The following CTNNA2 variants were observed in gnomAD, a reference collection of about 807,000 sequenced individuals.
The protein encoded by CTNNA2 is catenin alpha 2.
Under a neutral mutation model 101.0 loss-of-function variants are expected in CTNNA2, and 42 were observed. That is an observed-to-expected ratio of 0.42 (90% CI 0.32 to 0.54). The LOEUF (loss-of-function observed/expected upper bound fraction) is 0.54, where lower values mean the gene tolerates loss of function less well. CTNNA2 is among the 20% of genes least tolerant of loss of function. The pLI is 0.14. For synonymous variants in CTNNA2, 450 were observed against 456.4 expected, an observed-to-expected ratio of 0.99 and a Z score of 0.18; for missense variants, 871 against 1,223.1, an observed-to-expected ratio of 0.71 and a Z score of 4.29.
At chr2:79,689,477 A>G (rs1684148023) in intron 2 of CTNNA2, among the ~76,000 whole-genome samples, 1 of 152,174 alleles carries the variant, frequency 6.6e-6, no homozygotes, top group African/African-American at 2.4e-5. Context: ...TCCTTCTACA[A>G]TATTCTTCTC....
At chr2:79,486,466 G>A (rs1176336482) in intron 4 of CTNNA2, among the ~76,000 whole-genome samples, 1 of 152,100 alleles carries the variant, frequency 6.6e-6, no homozygotes, top group Non-Finnish European at 1.5e-5. Context: ...TCTTAATCCA[G>A]TCTATCATTG....
At position 79,521,107 on chromosome 2, in the gene CTNNA2, G is replaced by GAT. The variant is rs59797728; in HGVS notation, c.-6+7960_-6+7961dup. Among the ~76,000 whole-genome samples, 31 of 105,348 alleles carry GAT rather than the reference G, an allele frequency of 2.9e-4. 1 individual carries two copies. The highest frequency in any genetic ancestry group is 4.6e-4 in the Admixed American group (4 of 8,614). 69.1% of individuals were successfully genotyped at this position (105,348 alleles called of 152,430 possible). Reference sequence around the variant, plus strand: ...CTTTGAGATAGAAAACAAAGCTGCTGATATATATATATATATATATATATA... The same window carrying GAT: ...CTTTGAGATAGAAAACAAAGCTGCTGATATATATATATATATATATATATATA... On this transcript the variant is annotated intron_variant, in intron 1 of 18. Coordinates refer to ENST00000402739, the MANE Select transcript of CTNNA2 (RefSeq NM_001282597.3).
At chr2:80,050,730 T>A (rs1179136474) in intron 7 of CTNNA2, among the ~76,000 whole-genome samples, 10 of 152,156 alleles carry the variant, frequency 6.6e-5, no homozygotes, top group Non-Finnish European at 1.5e-4. Flanking sequence ...AGGTGGGGTC[T>A]CACCCTGTCA....
chr2:79,340,833 CAAAAAAAAAAAAA>C (rs56276462), intron 3 of CTNNA2, among the ~76,000 whole-genome samples: 1 of 32,534 alleles, frequency 3.1e-5, no homozygotes, highest in Non-Finnish European at 5.4e-5. Flanking sequence ...GACTCAGTCT[CAAAAAAAAAAAAA>C]AAAAAAAAGA....
At chr2:80,130,391 A>T (rs1001312546) in intron 7 of CTNNA2, among the ~76,000 whole-genome samples, 2 of 152,148 alleles carry the variant, frequency 1.3e-5, no homozygotes, top group Non-Finnish European at 2.9e-5. Flanking sequence ...ACGTATTCCA[A>T]CTATTTTTCA....
intron 7 of CTNNA2, among the ~76,000 whole-genome samples, chr2:80,176,468 C>T (rs566243676): frequency 3.3e-5 from 5 of 152,344 alleles, no homozygotes; most frequent in South Asian, 2.1e-4. Flanking sequence ...CAACTGGTCA[C>T]GTGTCATAGC....
At chr2:79,848,191 T>C (rs1002242766) in intron 3 of CTNNA2, among the ~76,000 whole-genome samples, 2 of 152,232 alleles carry the variant, frequency 1.3e-5, no homozygotes, top group Non-Finnish European at 2.9e-5. Flanking sequence ...AGGTTTTCTT[T>C]AGTATATATA....
chr2:79,616,867 C>T (rs74878690), intron 1 of CTNNA2, among the ~76,000 whole-genome samples: 3,034 of 151,734 alleles, frequency 0.02, 52 homozygotes, highest in Non-Finnish European at 0.031. Context: ...GTCATTTTCC[C>T]CTCTTCTTTC....
chr2:80,031,461 C>T (rs1028729502), intron 7 of CTNNA2, among the ~76,000 whole-genome samples: 1 of 152,154 alleles, frequency 6.6e-6, no homozygotes, highest in Admixed American at 6.5e-5. Flanking sequence ...AAAGAGAGAG[C>T]TTGTGCAGGG....
chr2:79,752,784 A>T (rs1369857235), intron 3 of CTNNA2, among the ~76,000 whole-genome samples: 1 of 152,196 alleles, frequency 6.6e-6, no homozygotes, highest in Non-Finnish European at 1.5e-5. Context: ...AGGCAAGCAC[A>T]AAATTACAAC....
At chr2:79,894,053 C>CTTA (rs1684513379) in intron 6 of CTNNA2, among the ~76,000 whole-genome samples, 1 of 119,188 alleles carries the variant, frequency 8.4e-6, no homozygotes. Context: ...TCTTCTTCTT[C>CTTA]TTCTTCTTCT....
intron 4 of CTNNA2, among the ~76,000 whole-genome samples, chr2:79,868,675 C>T (rs1054110015): frequency 2.6e-5 from 4 of 152,178 alleles, no homozygotes; most frequent in Non-Finnish European, 2.9e-5. Context: ...TTACAAGAGC[C>T]GATCTGAATT....
chr2:80,438,478 T>A (rs12620785), intron 9 of CTNNA2, among the ~76,000 whole-genome samples: 38,559 of 151,898 alleles, frequency 0.25, 7,396 homozygotes, highest in African/African-American at 0.54. Context: ...ATACTTTCAT[T>A]TGTTTTGAAG....
chr2:79,956,901 T>G (rs1377137582), intron 7 of CTNNA2, among the ~76,000 whole-genome samples: 1 of 142,926 alleles, frequency 7.0e-6, no homozygotes, highest in Non-Finnish European at 1.5e-5. Context: ...CAGTTAGGTT[T>G]GAAAGGAAAT....
intron 1 of CTNNA2, among the ~76,000 whole-genome samples, chr2:79,528,200 T>A (rs756978596): frequency 1.2e-4 from 3 of 24,294 alleles, no homozygotes; most frequent in Non-Finnish European, 2.6e-4. Context: ...CGTTCTCTTT[T>A]TCTTTTCTTT....
At chr2:80,256,765 C>T (rs987081775) in intron 7 of CTNNA2, among the ~76,000 whole-genome samples, 2 of 152,252 alleles carry the variant, frequency 1.3e-5, no homozygotes, top group African/African-American at 4.8e-5. Context: ...CAAAATTTCG[C>T]TGAAGCCAGA....
At chr2:80,406,568 T>A (rs1296740830) in intron 8 of CTNNA2, among the ~76,000 whole-genome samples, 2 of 152,102 alleles carry the variant, frequency 1.3e-5, no homozygotes, top group African/African-American at 4.8e-5. Flanking sequence ...GGCTCACGCC[T>A]GTAATCCCAG....
chr2:79,331,749 C>T (rs1676877666), intron 3 of CTNNA2, among the ~76,000 whole-genome samples: 1 of 152,212 alleles, frequency 6.6e-6, no homozygotes, highest in Non-Finnish European at 1.5e-5. Context: ...ATCCACAACC[C>T]TACATATAAA....
intron 3 of CTNNA2, among the ~76,000 whole-genome samples, chr2:79,365,310 CA>C: frequency 6.6e-6 from 1 of 151,834 alleles, no homozygotes; most frequent in East Asian, 1.9e-4. Context: ...ATTAAACCTG[CA>C]AATGAGAATT....
Sources: gnomAD v4.1 joint callset for allele counts (sites outside exome capture counted in the v4.1 genomes callset) on GRCh38, gnomAD v4.1.1 for gene constraint, MANE v1.5 for transcripts, NCBI Gene and HGNC (gene_info 2026-07-23, HGNC 2026-07-21) for gene names.